PPWD1: variants seen among roughly 807,000 people sequenced by gnomAD.
PPWD1 encodes peptidylprolyl isomerase domain and WD repeat-containing protein 1.
A neutral mutation model predicts 68.8 loss-of-function variants in PPWD1; 43 were observed. The observed-to-expected ratio is 0.62, with a 90% CI of 0.49 to 0.81. PPWD1 has a LOEUF of 0.81. Ranked by LOEUF, PPWD1 falls within the 30% of genes least tolerant of loss-of-function variation. PPWD1 has a pLI of 0.00. For synonymous variants in PPWD1, 232 were observed against 258.7 expected (o/e 0.90, Z 0.99); for missense variants, 672 against 804.8 (o/e 0.83, Z 2.00).
At chr5:65,567,412 A>G in intron 1 of PPWD1, 101 bp from the exon 2 acceptor site, 2 of 1,365,818 alleles carry the variant, frequency 1.5e-6, no homozygotes, top group Middle Eastern at 2.7e-4. Flanking sequence ...CCAGGAGAAA[A>G]TACCAAGTAG....
In PPWD1 at chr5:65,569,672, A is replaced by C; in HGVS notation, c.340A>C (p.Lys114Gln). Residue 114 changes from lysine to glutamine, a missense_variant, in exon 3 of 11, where the codon AAG becomes CAG. Around this residue, in one of 2 missense-constraint regions of PPWD1, gnomAD observed 188 missense variants for 158.6 expected, o/e 1.19. Transcript: ENST00000261308. ...TACTGCCAGTCATGATGGACATGTC[A>C]AGTTCTGGAAAAAAATAGAAGAGGG... ...IITASHDGHV[K>Q]FWKKIEEGIE... 6.2e-7 allele frequency: 1 copy of C among 1,607,696 alleles called. No homozygotes were observed.
In PPWD1 at chr5:65,563,300, A is replaced by T; in HGVS notation, c.-11A>T. 6.2e-7 allele frequency: 1 copy of T among 1,609,486 alleles called. No homozygotes were observed. The highest frequency in any genetic ancestry group is 8.5e-7 in the Non-Finnish European group (1 of 1,177,658). ...GTTTTGTGTCGCGCCTTTTCTGACG[A>T]TGCGAACAACATGGCGGCGGAAAGT... On this transcript the variant is annotated 5_prime_UTR_variant, in exon 1 of 11. The change abolishes an upstream ATG in the 5' untranslated region. Coordinates refer to ENST00000261308, the MANE Select transcript of PPWD1 (RefSeq NM_015342.4).
At chr5:65,582,330 C>T (rs1478276927) in intron 7 of PPWD1, among the ~76,000 whole-genome samples, 1 of 152,206 alleles carries the variant, frequency 6.6e-6, no homozygotes, top group Non-Finnish European at 1.5e-5. Context: ...TACAACTTCA[C>T]TGAAAATTTG....
At chr5:65,564,780 C>CT (rs1752634112) in intron 1 of PPWD1, among the ~76,000 whole-genome samples, 1 of 152,028 alleles carries the variant, frequency 6.6e-6, no homozygotes, top group Non-Finnish European at 1.5e-5. Flanking sequence ...CGGTCTTGTA[C>CT]TTTTTTTTCC....
At chr5:65,563,904 T>A in intron 1 of PPWD1, 1 of 1,395,932 alleles carries the variant, frequency 7.2e-7, no homozygotes, top group East Asian at 2.5e-5. Context: ...TGTATTAATG[T>A]GTTGGGGCGC....
chr5:65,573,844 CTCAAATATTTTGAAAGAGTG>C (rs1351362353), intron 5 of PPWD1, among the ~76,000 whole-genome samples: 15 of 152,048 alleles, frequency 9.9e-5, no homozygotes, highest in Admixed American at 2.0e-4. Context: ...ACAAGAGTTA[CTCAAATATTTTGAAAGAGTG>C]ACTCTAGCCA....
intron 5 of PPWD1, 22 bp from the exon 6 acceptor site, chr5:65,576,857 T>A: frequency 5.0e-6 from 8 of 1,610,196 alleles, no homozygotes; most frequent in Non-Finnish European, 5.1e-6. Flanking sequence ...GAGTTTTTGT[T>A]ACTAAATGGT....
chr5:65,575,784 G>A (rs1753254612), intron 5 of PPWD1, among the ~76,000 whole-genome samples: 1 of 152,198 alleles, frequency 6.6e-6, no homozygotes, highest in Admixed American at 6.5e-5. Flanking sequence ...TATAGAAATA[G>A]TCATGTCTAC....
chr5:65,567,916 C>T (rs1752848579), intron 2 of PPWD1: 1 of 241,696 alleles, frequency 4.1e-6, no homozygotes, highest in African/African-American at 2.3e-5. Context: ...GTAACTGGTA[C>T]CTGGCCTCTT....
chr5:65,564,087 A>G, intron 1 of PPWD1: 1 of 526,740 alleles, frequency 1.9e-6, no homozygotes. Flanking sequence ...TCTTGATACG[A>G]TGGGCTGAGT....
chr5:65,570,445 A>G, intron 4 of PPWD1: 1 of 489,258 alleles, frequency 2.0e-6, no homozygotes. Context: ...ATTGTACAGT[A>G]TTAAGACTGA....
At chr5:65,565,802 C>T (rs1335053291) in intron 1 of PPWD1, among the ~76,000 whole-genome samples, 7 of 91,990 alleles carry the variant, frequency 7.6e-5, no homozygotes, top group Non-Finnish European at 1.6e-4. Flanking sequence ...AGCAAGACTC[C>T]GTCTCAAAAA....
chr5:65,579,919 A>G (rs1753520774), intron 7 of PPWD1, among the ~76,000 whole-genome samples: 1 of 152,148 alleles, frequency 6.6e-6, no homozygotes, highest in Non-Finnish European at 1.5e-5. Context: ...TCACTGTGGG[A>G]TTTTAAAAGT....
At chr5:65,572,324 TAAAAATGC>T (rs774996166) in intron 5 of PPWD1, 38 bp downstream of exon 5, 1 of 1,510,882 alleles carries the variant, frequency 6.6e-7, no homozygotes, top group South Asian at 1.3e-5. Flanking sequence ...TTTACTTTTC[TAAAAATGC>T]TTTATTTTAT....
chr5:65,583,084 G>A lies in PPWD1; in HGVS notation c.1397G>A (p.Arg466Gln). Residue 466 changes from arginine (R) to glutamine (Q), a missense_variant, in exon 8 of 11, where the codon CGA becomes CAA. By Grantham distance (43) the Arg-to-Gln change is conservative (BLOSUM62 1). Coordinates refer to ENST00000261308, the MANE Select transcript of PPWD1 (RefSeq NM_015342.4). ...PEDTKSADSD[R>Q]DVFNEKPSKE... ...GATACGAAAAGTGCAGATTCTGATC[G>A]AGATGTTTTTAATGAGAAACCTTCT... 3 of 1,611,480 alleles carry A rather than the reference G, an allele frequency of 1.9e-6. No homozygotes were observed. The highest frequency in any genetic ancestry group is 1.3e-5 in the African/African-American group (1 of 74,910).
At chr5:65,586,640 A>C (rs1464649454) in intron 10 of PPWD1, among the ~76,000 whole-genome samples, 1 of 152,170 alleles carries the variant, frequency 6.6e-6, no homozygotes, top group Non-Finnish European at 1.5e-5. Flanking sequence ...CCATAACACA[A>C]AATTATAAAA....
intron 7 of PPWD1, among the ~76,000 whole-genome samples, chr5:65,580,146 A>C (rs1220623253): frequency 6.6e-6 from 1 of 152,146 alleles, no homozygotes; most frequent in Non-Finnish European, 1.5e-5. Context: ...AAATCAAACT[A>C]CCGTGCCATG....
intron 6 of PPWD1, 78 bp downstream of exon 6, chr5:65,577,147 G>A: frequency 1.3e-6 from 2 of 1,486,144 alleles, no homozygotes; most frequent in Non-Finnish European, 1.8e-6. Context: ...AACAGTGGGA[G>A]TATTGTTTGT....
In PPWD1 at chr5:65,567,552, G is replaced by C. The variant is rs758109214; in HGVS notation, c.236G>C (p.Ser79Thr). ...AGAGTCTATCTTGATAATCTCCCCA[G>C]TGCATCCATGTATGAGCGCAGTTAC... ...FERVYLDNLP[S>T]ASMYERSYMH... Residue 79 changes from serine to threonine, a missense_variant, in exon 2 of 11, where the codon AGT becomes ACT. Coordinates refer to ENST00000261308, the MANE Select transcript of PPWD1 (RefSeq NM_015342.4). 1.2e-6 allele frequency: 2 copies of C among 1,611,582 alleles called. No individual in the cohort carries two copies. The highest frequency in any genetic ancestry group is 4.5e-5 in the East Asian group (2 of 44,794).
Sources: allele counts gnomAD v4.1 joint callset (sites outside exome capture counted in the v4.1 genomes callset), GRCh38; gene constraint gnomAD v4.1.1; regional missense constraint gnomAD v4.1.1; transcripts MANE v1.5; gene names NCBI Gene and HGNC (gene_info 2026-07-23, HGNC 2026-07-21).